Variants in PRPF3 observed in about 807,000 individuals in gnomAD.
PRPF3 encodes the protein U4/U6 small nuclear ribonucleoprotein Prp3.
PRPF3 carries 3 observed loss-of-function variants against 89.2 expected under a neutral mutation model. That is an observed-to-expected ratio of 0.03 (90% CI 0.02 to 0.09). PRPF3 has a LOEUF of 0.09. PRPF3 is among the 10% of genes least tolerant of loss of function. PRPF3 has a pLI of 1.00. For missense variants in PRPF3, 463 were observed against 828.8 expected, an observed-to-expected ratio of 0.56 and a Z score of 5.42; for synonymous variants, 270 against 289.1, an observed-to-expected ratio of 0.93 and a Z score of 0.67.
rs1208144300 is a variant in PRPF3 at position 150,353,161 on chromosome 1, C to T, written c.*182C>T. 1.4e-6 allele frequency: 1 copy of T among 707,816 alleles called. No individual in the cohort carries two copies. The highest frequency in any genetic ancestry group is 2.5e-6 in the Non-Finnish European group (1 of 402,876). 43.8% of individuals were successfully genotyped at this position (707,816 alleles called of 1,614,324 possible). A position where few individuals can be genotyped will look rare whatever the true frequency, so the allele number is the denominator to read the frequency against. ...TCAGCCTGGTGTTGCCCTTTATTCC[C>T]CTTATGTGCATATGATTAAAGAGTT... On this transcript the variant is annotated 3_prime_UTR_variant, in exon 16 of 16. Transcript: ENST00000324862.
At chr1:150,345,372 C>T (rs1432309292) in intron 12 of PRPF3, among the ~76,000 whole-genome samples, 4 of 151,486 alleles carry the variant, frequency 2.6e-5, no homozygotes, top group South Asian at 2.1e-4. Context: ...TATTTTGAGA[C>T]GGAGTTTCAG....
intron 9 of PRPF3, among the ~76,000 whole-genome samples, chr1:150,340,761 C>T (rs1462386909): frequency 6.6e-6 from 1 of 151,988 alleles, no homozygotes; most frequent in East Asian, 1.9e-4. Context: ...AGGAGGATTG[C>T]TTGAGGCCAA....
intron 9 of PRPF3, among the ~76,000 whole-genome samples, chr1:150,341,477 C>G (rs1201231467): frequency 7.0e-6 from 1 of 143,840 alleles, no homozygotes; most frequent in Non-Finnish European, 1.5e-5. Context: ...ATGATCTCAG[C>G]TCACCACAAC....
chr1:150,351,242 G>C (rs1043502056), intron 15 of PRPF3, among the ~76,000 whole-genome samples: 1 of 152,150 alleles, frequency 6.6e-6, no homozygotes, highest in African/African-American at 2.4e-5. Flanking sequence ...TCCAGCCTGG[G>C]TGACAGTGCG....
chr1:150,323,991 G>C (rs1553862974), intron 1 of PRPF3, among the ~76,000 whole-genome samples: 1 of 151,944 alleles, frequency 6.6e-6, no homozygotes, highest in African/African-American at 2.4e-5. Flanking sequence ...ATCTTGGCCA[G>C]GCTGGTCTTG....
intron 3 of PRPF3, among the ~76,000 whole-genome samples, chr1:150,326,862 C>T (rs1446992097): frequency 6.6e-6 from 1 of 152,010 alleles, no homozygotes; most frequent in East Asian, 1.9e-4. Context: ...CCAGGAGTTA[C>T]AATTTAGAAG....
intron 8 of PRPF3, 104 bp from the exon 9 acceptor site, chr1:150,340,294 G>C: frequency 1.3e-6 from 1 of 794,518 alleles, no homozygotes; most frequent in East Asian, 2.6e-5. Flanking sequence ...TCAAGCACAA[G>C]AACCCATTAT....
intron 12 of PRPF3, among the ~76,000 whole-genome samples, chr1:150,345,237 A>G (rs1245204550): frequency 6.6e-6 from 1 of 152,088 alleles, no homozygotes; most frequent in Non-Finnish European, 1.5e-5. Context: ...TCTCCTTTCT[A>G]TTCTCTGATC....
chr1:150,336,263 A>C (rs1656986177), intron 7 of PRPF3, among the ~76,000 whole-genome samples: 1 of 152,106 alleles, frequency 6.6e-6, no homozygotes, highest in Non-Finnish European at 1.5e-5. Flanking sequence ...TGTACAGTTC[A>C]CAATAGGGTT....
chr1:150,333,110 C>T lies in PRPF3; in HGVS notation c.639C>T (p.Ile213=), dbSNP rs1411712269. ...ARKAAELQAR[I]QAQLALKPGL... ...AAGCAGCTGAACTGCAAGCTCGAAT[C>T]CAAGCCCAGCTGGCACTGAAGCCAG... is the stretch of plus-strand genomic sequence containing the variant. The change falls in exon 6 of 16, where the codon ATC becomes ATT. Residue 213 remains isoleucine (I), a synonymous_variant. Coordinates refer to ENST00000324862, the MANE Select transcript of PRPF3 (RefSeq NM_004698.4). The T allele has an allele frequency of 6.2e-7, 1 of 1,614,228 alleles. No homozygotes were observed. Among genetic ancestry groups the T allele is most frequent in the Non-Finnish European group, 8.5e-7 (1 of 1,180,038 alleles).
intron 4 of PRPF3, among the ~76,000 whole-genome samples, chr1:150,331,399 CT>C (rs1266097418): frequency 1.3e-5 from 2 of 151,562 alleles, no homozygotes; most frequent in Non-Finnish European, 1.5e-5. Flanking sequence ...GAGTCTCCCC[CT>C]GTTGTCCAGG....
rs587604645 is a variant in PRPF3, at chr1:150,341,973, G to A, written c.1283-1336G>A. Among the ~76,000 whole-genome samples the A allele has an allele frequency of 5.3e-5, 8 of 151,840 alleles. No individual in the cohort carries two copies. In the East Asian group the frequency reaches 1.6e-3, roughly 30 times the overall value. Reference sequence around the variant, plus strand: ...CCCACCTAGGCTTCCCAAAGTGCTGGGTTTACCGGCGTGAGCCACCGCACC... The same window carrying A: ...CCCACCTAGGCTTCCCAAAGTGCTGAGTTTACCGGCGTGAGCCACCGCACC... On this transcript the variant is annotated intron_variant, in intron 9 of 15. Transcript: ENST00000324862.
intron 15 of PRPF3, among the ~76,000 whole-genome samples, chr1:150,350,491 C>T (rs1658816047): frequency 6.6e-6 from 1 of 152,178 alleles, no homozygotes; most frequent in African/African-American, 2.4e-5. Context: ...AGTCACTGCG[C>T]CCGGCCATAT....
At chr1:150,349,950 C>A (rs889539400) in intron 15 of PRPF3, among the ~76,000 whole-genome samples, 3 of 151,990 alleles carry the variant, frequency 2.0e-5, no homozygotes, top group Admixed American at 6.6e-5. Context: ...GGCTGGAGTG[C>A]GATGGCGTGA....
chr1:150,338,707 G>T (rs1340150036), intron 8 of PRPF3, among the ~76,000 whole-genome samples: 1 of 152,044 alleles, frequency 6.6e-6, no homozygotes, highest in African/African-American at 2.4e-5. Context: ...TAGAGACAGG[G>T]TTTTGCCATG....
At chr1:150,335,313 C>A in intron 7 of PRPF3, 72 bp downstream of exon 7, 2 of 1,521,438 alleles carry the variant, frequency 1.3e-6, no homozygotes, top group South Asian at 2.3e-5. Context: ...TGTTAAATCT[C>A]TGTGTTCTAG....
chr1:150,327,222 C>T (rs927233753), intron 3 of PRPF3, among the ~76,000 whole-genome samples: 5 of 151,998 alleles, frequency 3.3e-5, no homozygotes, highest in Non-Finnish European at 4.4e-5. Flanking sequence ...CACATGCCAC[C>T]ATGCCTGGCT....
At chr1:150,324,218 AG>A (rs1655442227) in intron 1 of PRPF3, among the ~76,000 whole-genome samples, 1 of 152,206 alleles carries the variant, frequency 6.6e-6, no homozygotes, top group Non-Finnish European at 1.5e-5. Context: ...GCCTGGAAGT[AG>A]GAAGAATGGA....
intron 7 of PRPF3, among the ~76,000 whole-genome samples, chr1:150,336,612 C>T (rs1324721370): frequency 2.0e-5 from 3 of 151,970 alleles, no homozygotes; most frequent in Non-Finnish European, 2.9e-5. Flanking sequence ...AAAAATTAAC[C>T]GAGCGTGGTG....
Sources: allele counts gnomAD v4.1 joint callset (sites outside exome capture counted in the v4.1 genomes callset), GRCh38; gene constraint gnomAD v4.1.1; transcripts MANE v1.5; gene names NCBI Gene and HGNC (gene_info 2026-07-23, HGNC 2026-07-21).